The following LRPPRC variants were observed in gnomAD, a reference collection of about 807,000 sequenced individuals.
LRPPRC encodes leucine-rich PPR motif-containing protein, mitochondrial.
A neutral mutation model predicts 180.3 loss-of-function variants in LRPPRC; 120 were observed. The observed-to-expected ratio is 0.67, with a 90% CI of 0.57 to 0.77. The LOEUF is 0.77. Ranked by LOEUF, LRPPRC falls within the 30% of genes least tolerant of loss-of-function variation. The pLI, the probability that LRPPRC is intolerant of heterozygous loss-of-function variation, is 0.00. For missense variants in LRPPRC, 2,012 were observed against 1,657.2 expected (o/e 1.21, Z -3.72); for synonymous variants, 723 against 600.0 (o/e 1.21, Z -3.00).
chr2:43,982,766 T>G (rs769512282), intron 1 of LRPPRC, among the ~76,000 whole-genome samples: 1 of 152,188 alleles, frequency 6.6e-6, no homozygotes, highest in East Asian at 1.9e-4. Flanking sequence ...AACAAGGTAA[T>G]GACAGAAGAT....
chr2:43,898,529 C>T (rs1189528397), intron 34 of LRPPRC, among the ~76,000 whole-genome samples: 1 of 152,150 alleles, frequency 6.6e-6, no homozygotes, highest in Non-Finnish European at 1.5e-5. Flanking sequence ...TGTACATTGC[C>T]AGTGGCAGCT....
intron 1 of LRPPRC, among the ~76,000 whole-genome samples, chr2:43,993,418 G>A (rs1412370214): frequency 1.3e-5 from 2 of 152,168 alleles, no homozygotes; most frequent in African/African-American, 4.8e-5. Context: ...AAATCAATAA[G>A]ATAATAATGG....
In LRPPRC at chr2:43,918,377, C is replaced by A; in HGVS notation, c.2918G>T (p.Arg973Ile). Residue 973 changes from arginine (R) to isoleucine (I), a missense_variant, in exon 28 of 38, where the codon AGA becomes ATA. Physicochemically the swap from Arg to Ile is moderately conservative, Grantham distance 97 (BLOSUM62 -3). Transcript: ENST00000260665. Reference protein sequence around the residue: ...KLYKINGDWQRADAVWNKIQE... With the variant: ...KLYKINGDWQIADAVWNKIQE... ...GATTTTATTCCAGACTGCATCAGCT[C>A]TTTGCCAGTCACCGTTTATTTCTGT... 1.9e-6 allele frequency: 3 copies of A among 1,610,922 alleles called. No homozygotes were observed. Among genetic ancestry groups the A allele is most frequent in the Non-Finnish European group, 2.5e-6 (3 of 1,177,204 alleles).
intron 2 of LRPPRC, 64 bp from the exon 3 acceptor site, chr2:43,980,012 A>T: frequency 6.7e-7 from 1 of 1,486,706 alleles, no homozygotes; most frequent in Non-Finnish European, 9.4e-7. Context: ...ATAAATATCA[A>T]AATTTAAACA....
intron 30 of LRPPRC, among the ~76,000 whole-genome samples, chr2:43,911,000 CAG>C (rs1160874371): frequency 6.6e-6 from 1 of 151,872 alleles, no homozygotes; most frequent in African/African-American, 2.4e-5. Flanking sequence ...TTCATTATCA[CAG>C]AGAGGGTTGG....
At chr2:43,927,260 A>C (rs1671912288) in intron 25 of LRPPRC, among the ~76,000 whole-genome samples, 1 of 152,202 alleles carries the variant, frequency 6.6e-6, no homozygotes, top group Admixed American at 6.5e-5. Flanking sequence ...CTTGAATCTA[A>C]TCTCTTAAGT....
chr2:43,981,657 C>T (rs62135115), intron 2 of LRPPRC, among the ~76,000 whole-genome samples: 2 of 150,988 alleles, frequency 1.3e-5, no homozygotes, highest in African/African-American at 4.9e-5. Context: ...GATACTCCAT[C>T]CCAAAAAAAA....
chr2:43,994,328 G>C (rs1001565632), intron 1 of LRPPRC, among the ~76,000 whole-genome samples: 1 of 152,160 alleles, frequency 6.6e-6, no homozygotes. Context: ...TTTCCTCCAC[G>C]TAATTTTATG....
At chr2:43,908,166 G>C (rs1249993687) in intron 30 of LRPPRC, among the ~76,000 whole-genome samples, 1 of 152,164 alleles carries the variant, frequency 6.6e-6, no homozygotes, top group Non-Finnish European at 1.5e-5. Flanking sequence ...ACTCTCAAAA[G>C]ATAAAGTAGG....
intron 12 of LRPPRC, among the ~76,000 whole-genome samples, chr2:43,963,231 G>C (rs1251315152): frequency 1.3e-5 from 2 of 152,112 alleles, no homozygotes; most frequent in Admixed American, 6.5e-5. Context: ...GATCACCTGA[G>C]GTCGGGAGTT....
intron 12 of LRPPRC, among the ~76,000 whole-genome samples, chr2:43,960,990 T>C (rs1673324257): frequency 6.6e-6 from 1 of 152,200 alleles, no homozygotes; most frequent in Non-Finnish European, 1.5e-5. Flanking sequence ...TTTAATGTAA[T>C]TTAACTCATA....
rs541901609 is a variant in LRPPRC, at chr2:43,993,755, G to C, written c.149+2044C>G. Among the ~76,000 whole-genome samples the C allele has an allele frequency of 2.7e-4, 41 of 150,748 alleles. 3 individuals are homozygous for C. The South Asian group carries it at 8.4e-3, about 31-fold the overall frequency. The stretch of plus-strand genomic sequence containing the variant: ...CTACTAAAGAAAAAAAAAAAAACCA[G>C]AGAAATAAGTAATGATATCAGACAA... On this transcript the variant is annotated intron_variant, in intron 1 of 37. Transcript: ENST00000260665.
At chr2:43,938,617 G>A (rs1386091553) in intron 23 of LRPPRC, among the ~76,000 whole-genome samples, 1 of 152,104 alleles carries the variant, frequency 6.6e-6, no homozygotes, top group East Asian at 1.9e-4. Context: ...TTGAAGCTCC[G>A]ATGGCAAATC....
intron 22 of LRPPRC, 130 bp from the exon 23 acceptor site, chr2:43,944,024 T>C: frequency 2.9e-6 from 2 of 698,824 alleles, no homozygotes. Flanking sequence ...AGTTAATTAC[T>C]ACTTGCATTT....
intron 1 of LRPPRC, among the ~76,000 whole-genome samples, chr2:43,988,608 CCT>C (rs1674637745): frequency 6.6e-6 from 1 of 152,122 alleles, no homozygotes; most frequent in South Asian, 2.1e-4. Flanking sequence ...TCAATAAATG[CCT>C]CTGAGTTTTT....
chr2:43,909,459 T>C (rs1485270540), intron 30 of LRPPRC, among the ~76,000 whole-genome samples: 1 of 151,954 alleles, frequency 6.6e-6, no homozygotes, highest in Non-Finnish European at 1.5e-5. Flanking sequence ...AATGAGGAGA[T>C]AATGGTTAAA....
chr2:43,960,849 T>C (rs1310665459), intron 12 of LRPPRC, among the ~76,000 whole-genome samples: 1 of 152,218 alleles, frequency 6.6e-6, no homozygotes, highest in Non-Finnish European at 1.5e-5. Flanking sequence ...GTCTGATGCC[T>C]TTAGAGGGCC....
chr2:43,955,438 C>T (rs1409019237), intron 14 of LRPPRC, among the ~76,000 whole-genome samples: 1 of 143,750 alleles, frequency 7.0e-6, no homozygotes, highest in Non-Finnish European at 1.5e-5. Flanking sequence ...CACTGCACTG[C>T]AGCCTGGGTG....
chr2:43,962,531 A>G (rs1026086048), intron 12 of LRPPRC, among the ~76,000 whole-genome samples: 4 of 152,214 alleles, frequency 2.6e-5, no homozygotes, highest in Non-Finnish European at 4.4e-5. Context: ...ACTGCACAGC[A>G]CTTTTTGTTT....
Sources: gnomAD v4.1 joint callset for allele counts (sites outside exome capture counted in the v4.1 genomes callset) on GRCh38, gnomAD v4.1.1 for gene constraint, MANE v1.5 for transcripts, NCBI Gene and HGNC (gene_info 2026-07-23, HGNC 2026-07-21) for gene names.